Variants in ELP3 observed in about 807,000 individuals in gnomAD.
The protein encoded by ELP3 is elongator acetyltransferase complex subunit 3, also known as elongator complex protein 3.
ELP3 carries 56 observed loss-of-function variants against 74.9 expected under a neutral mutation model. The ratio of observed to expected loss-of-function variants is 0.75; its 90% CI spans 0.60 to 0.93. ELP3 has a LOEUF of 0.93. Ranked by LOEUF, ELP3 falls within the 40% of genes least tolerant of loss-of-function variation. The pLI is 0.00. For synonymous variants in ELP3, 222 were observed against 239.8 expected, an observed-to-expected ratio of 0.93 and a Z score of 0.68; for missense variants, 573 against 686.5, an observed-to-expected ratio of 0.83 and a Z score of 1.85.
Position 28,097,267 on chromosome 8 carries a change from T to G in ELP3, c.68T>G (p.Ile23Ser). ...ATGATGCTGACTATAGGAGATGTTA[T>G]TAAACAACTGATTGAAGCCCACGAG... The part of the protein sequence containing the change: ...ELMMLTIGDV[I>S]KQLIEAHEQG... Residue 23 changes from isoleucine (I) to serine (S), a missense_variant, in exon 2 of 15, where the codon ATT becomes AGT. Transcript: ENST00000256398. 6.2e-7 allele frequency: 1 copy of G among 1,614,086 alleles called. No individual in the cohort carries two copies.
At chr8:28,129,290 G>A in intron 7 of ELP3, 7 of 536,060 alleles carry the variant, frequency 1.3e-5, no homozygotes, top group Admixed American at 6.2e-5. Flanking sequence ...TCATTTTGCA[G>A]TTAAAGGAAC....
At chr8:28,156,890 G>A (rs1446893261) in intron 11 of ELP3, among the ~76,000 whole-genome samples, 2 of 152,126 alleles carry the variant, frequency 1.3e-5, no homozygotes, top group Non-Finnish European at 2.9e-5. Flanking sequence ...TTGTTCAGGG[G>A]AGAGTTTGTG....
chr8:28,114,498 A>T (rs9886599), intron 7 of ELP3, among the ~76,000 whole-genome samples: 3,881 of 152,046 alleles, frequency 0.026, 190 homozygotes, highest in African/African-American at 0.089. Flanking sequence ...ACATCACATG[A>T]CGGGTGCAGG....
chr8:28,135,208 G>A lies in ELP3; in HGVS notation c.907-2490G>A, dbSNP rs563369274. Among the ~76,000 whole-genome samples, 18 of 152,314 alleles carry A rather than the reference G, an allele frequency of 1.2e-4. No homozygotes were observed. The South Asian group carries it at 2.9e-3, about 25-fold the overall frequency. On this transcript the variant is annotated intron_variant, in intron 9 of 14. Transcript: ENST00000256398. The stretch of plus-strand genomic sequence containing the variant: ...CTCCCAAAGTGCTGGGATTACAGGC[G>A]TGAGCCACTGCGCCTGGCCTAAAGC...
At chr8:28,110,540 G>A in intron 6 of ELP3, 102 bp downstream of exon 6, 2 of 1,067,012 alleles carry the variant, frequency 1.9e-6, no homozygotes, top group East Asian at 5.1e-5. Flanking sequence ...GAATGAAAAA[G>A]GTGTTTTTCC....
At chr8:28,169,440 G>A (rs1180439496) in intron 14 of ELP3, among the ~76,000 whole-genome samples, 2 of 152,150 alleles carry the variant, frequency 1.3e-5, no homozygotes, top group Non-Finnish European at 2.9e-5. Context: ...ATGGCAGCCA[G>A]TTGGCTGGGA....
upstream of ELP3, chr8:28,093,107 C>G (rs937250676): frequency 1.2e-5 from 19 of 1,552,708 alleles, no homozygotes; most frequent in African/African-American, 2.3e-4. Flanking sequence ...GATACATTGA[C>G]CGACATTTTA....
intron 11 of ELP3, among the ~76,000 whole-genome samples, 178 bp from the exon 12 acceptor site, chr8:28,158,390 G>T (rs6986312): frequency 0.093 from 14,082 of 152,100 alleles, 2,226 homozygotes; most frequent in African/African-American, 0.32. Flanking sequence ...ATTCATTAAA[G>T]GTGGTTTTAT....
At chr8:28,181,322 T>G (rs900329967) in intron 14 of ELP3, among the ~76,000 whole-genome samples, 1 of 152,230 alleles carries the variant, frequency 6.6e-6, no homozygotes, top group Non-Finnish European at 1.5e-5. Context: ...TCCTCCAAAC[T>G]CTGTATTGTA....
chr8:28,130,267 G>C (rs1342401053), intron 8 of ELP3, among the ~76,000 whole-genome samples: 1 of 152,222 alleles, frequency 6.6e-6, no homozygotes, highest in Non-Finnish European at 1.5e-5. Context: ...GGAGACAATT[G>C]AGAGTTTATT....
chr8:28,132,130 T>G, intron 8 of ELP3, 148 bp from the exon 9 acceptor site: 1 of 731,558 alleles, frequency 1.4e-6, no homozygotes, highest in Non-Finnish European at 2.2e-6. Context: ...CCCCCAGCCA[T>G]ATGATTTTGG....
chr8:28,189,591 C>T (rs1815375585), intron 14 of ELP3, 58 bp from the exon 15 acceptor site: 3 of 1,570,290 alleles, frequency 1.9e-6, no homozygotes, highest in East Asian at 4.5e-5. Flanking sequence ...GAAGCACATG[C>T]CGACTTTTGA....
At position 28,167,247 on chromosome 8, in the gene ELP3, G is replaced by T. The variant is rs543088823; in HGVS notation, c.1567+5169G>T. On this transcript the variant is annotated intron_variant, in intron 14 of 14. Transcript: ENST00000256398. ...CTAAAACTACATCACAGTGCCTCCTGGTCAGAAAATAAGTGTACCTGCGCC... is the reference window on the plus strand; with the variant it reads ...CTAAAACTACATCACAGTGCCTCCTTGTCAGAAAATAAGTGTACCTGCGCC... 2.0e-4 allele frequency among the ~76,000 whole-genome samples: 31 copies of T among 152,232 alleles called. No homozygotes were observed. The South Asian group carries it at 6.0e-3, about 30-fold the overall frequency.
chr8:28,097,535 T>TACAGGCGCCCGCCACCACGCCTGGC (rs1811301522), intron 2 of ELP3, among the ~76,000 whole-genome samples: 1 of 152,012 alleles, frequency 6.6e-6, no homozygotes. Context: ...TAGCTGGGAC[T>TACAGGCGCCCGCCACCACGCCTGGC]ACAGGCGCCC....
chr8:28,121,820 T>C (rs1812385816), intron 7 of ELP3, among the ~76,000 whole-genome samples: 1 of 152,248 alleles, frequency 6.6e-6, no homozygotes, highest in South Asian at 2.1e-4. Flanking sequence ...TTTGGATTTG[T>C]ATGCTTTTCT....
At chr8:28,155,505 G>A (rs979256775) in intron 10 of ELP3, among the ~76,000 whole-genome samples, 4 of 152,222 alleles carry the variant, frequency 2.6e-5, no homozygotes, top group African/African-American at 9.6e-5. Context: ...TAAGGCAGGC[G>A]TTTGAGCATC....
At position 28,106,743 on chromosome 8, in the gene ELP3, C is replaced by T; in HGVS notation, c.289C>T (p.His97Tyr). The T allele has an allele frequency of 6.2e-7, 1 of 1,612,836 alleles. No individual in the cohort carries two copies. The highest frequency in any genetic ancestry group is 8.5e-7 in the Non-Finnish European group (1 of 1,179,772). ...TGTCGTGGCTGTGATGTGCAAACCC[C>T]ACAGATGTCCACACATCAGTTTTAC... ...IAVVAVMCKPHRCPHISFTGN... is the reference protein window; with the variant it reads ...IAVVAVMCKPYRCPHISFTGN... The change falls in exon 4 of 15, where the codon CAC becomes TAC. Residue 97 changes from histidine to tyrosine, a missense_variant. Physicochemically the swap from His to Tyr is moderately conservative, Grantham distance 83 (BLOSUM62 2). Coordinates refer to ENST00000256398, the MANE Select transcript of ELP3 (RefSeq NM_018091.6).
intron 1 of ELP3, among the ~76,000 whole-genome samples, chr8:28,095,820 GCTCCAT>G (rs1032209150): frequency 6.6e-6 from 1 of 152,152 alleles, no homozygotes; most frequent in Admixed American, 6.5e-5. Flanking sequence ...AAATGTGTGG[GCTCCAT>G]AATTGCCAGG....
At position 28,161,983 on chromosome 8, in the gene ELP3, G is replaced by C. The variant is rs1165055242; in HGVS notation, c.1486-14G>C. The C allele has an allele frequency of 1.2e-6, 2 of 1,613,768 alleles. No homozygotes were observed. Among genetic ancestry groups the C allele is most frequent in the Admixed American group, 1.7e-5 (1 of 60,016 alleles). ...TCCTTTTTAATTCCCACTCCCCATT[G>C]TTGCTCCGTGCAGGGATTTGGCATG... On this transcript the variant is annotated splice_polypyrimidine_tract_variant and intron_variant, in intron 13 of 14. Coordinates refer to ENST00000256398, the MANE Select transcript of ELP3 (RefSeq NM_018091.6).
Sources: gnomAD v4.1 joint callset for allele counts (sites outside exome capture counted in the v4.1 genomes callset) on GRCh38, gnomAD v4.1.1 for gene constraint, MANE v1.5 for transcripts, NCBI Gene and HGNC (gene_info 2026-07-23, HGNC 2026-07-21) for gene names.